CEACAM20: variants seen among roughly 807,000 people sequenced by gnomAD.
The protein encoded by CEACAM20 is CEA cell adhesion molecule 20.
Under a neutral mutation model 61.2 loss-of-function variants are expected in CEACAM20, and 50 were observed. The observed-to-expected ratio is 0.82, with a 90% CI of 0.65 to 1.03. The LOEUF (loss-of-function observed/expected upper bound fraction) is 1.03. Ranked by LOEUF, CEACAM20 falls within the 50% of genes least tolerant of loss-of-function variation. The probability of loss-of-function intolerance (pLI) is 0.00; values close to 1 mark genes in which losing one functional copy is unlikely to be tolerated. For missense variants in CEACAM20, 683 were observed against 736.4 expected, an observed-to-expected ratio of 0.93 and a Z score of 0.84; for synonymous variants, 282 against 287.7, an observed-to-expected ratio of 0.98 and a Z score of 0.20.
Position 44,522,687 on chromosome 19 carries a change from G to C in CEACAM20, c.698C>G (p.Ser233Cys), listed in dbSNP as rs765281538. The change falls in exon 4 of 12, where the codon TCC becomes TGC. Residue 233 changes from serine to cysteine, a missense_variant. Physicochemically the swap from Ser to Cys is moderately radical, Grantham distance 112. Transcript: ENST00000614924. ...EHEGLYRCLV[S>C]NSATHLSSLG... ...GCTGGACAGGTGGGTGGCACTGTTG[G>C]ACACCAAGCACCTGTACAGGCCCTC... The C allele has an allele frequency of 5.6e-6, 9 of 1,613,784 alleles. No homozygotes were observed. Among genetic ancestry groups the C allele is most frequent in the Non-Finnish European group, 7.6e-6 (9 of 1,179,798 alleles).
At chr19:44,521,108 ATTTG>A (rs1971353135) in intron 4 of CEACAM20, among the ~76,000 whole-genome samples, 1 of 151,680 alleles carries the variant, frequency 6.6e-6, no homozygotes. Context: ...ATGTGTATAT[ATTTG>A]TTGTATATGA....
chr19:44,516,986 A>T lies in CEACAM20; in HGVS notation c.1269T>A (p.Thr423=). The change falls in exon 6 of 12, where the codon ACT becomes ACA. Residue 423 remains threonine, a synonymous_variant. Transcript: ENST00000614924. ...GGACTGAAGTGGAGCGGGCCAGGCC[A>T]GTGAGAGAGTTGGAGGCTGTGCAGT... ...IYNCTASNSL[T]GLARSTSVLV... is the part of the protein sequence containing the mutation. 3.1e-6 allele frequency: 5 copies of T among 1,599,078 alleles called. No individual in the cohort carries two copies. The highest frequency in any genetic ancestry group is 4.3e-6 in the Non-Finnish European group (5 of 1,173,248).
At chr19:44,512,664 C>T (rs965362385) in intron 8 of CEACAM20, among the ~76,000 whole-genome samples, 8 of 152,168 alleles carry the variant, frequency 5.3e-5, no homozygotes, top group African/African-American at 1.2e-4. Context: ...CTGCTTTTGC[C>T]GGGACTGTTG....
intron 1 of CEACAM20, among the ~76,000 whole-genome samples, 194 bp from the exon 2 acceptor site, chr19:44,525,438 ATG>A (rs923257177): frequency 2.6e-5 from 4 of 151,364 alleles, no homozygotes; most frequent in Non-Finnish European, 5.9e-5. Flanking sequence ...TTGTTTGTGT[ATG>A]TGTTTTTGTT....
intron 11 of CEACAM20, among the ~76,000 whole-genome samples, chr19:44,509,595 C>T (rs979942281): frequency 5.9e-5 from 9 of 151,334 alleles, no homozygotes; most frequent in African/African-American, 2.2e-4. Context: ...CCATAAAGGG[C>T]ATGAAGGGAG....
intron 1 of CEACAM20, among the ~76,000 whole-genome samples, chr19:44,528,958 T>TTC (rs1453624616): frequency 8.4e-5 from 11 of 130,504 alleles, no homozygotes; most frequent in South Asian, 4.9e-4. Context: ...CTTTCTTTCT[T>TTC]TTTTTTTTTT....
chr19:44,512,664 C>A (rs965362385), intron 8 of CEACAM20, among the ~76,000 whole-genome samples: 1 of 152,168 alleles, frequency 6.6e-6, no homozygotes. Context: ...CTGCTTTTGC[C>A]GGGACTGTTG....
At chr19:44,510,611 A>G (rs1446502890) in intron 11 of CEACAM20, among the ~76,000 whole-genome samples, 3,522 of 71,932 alleles carry the variant, frequency 0.049, 178 homozygotes, top group East Asian at 0.097. Context: ...AAAGAAAGAA[A>G]AAGGAAGGAA....
At chr19:44,518,954 A>G (rs924164908) in intron 5 of CEACAM20, among the ~76,000 whole-genome samples, 3 of 150,596 alleles carry the variant, frequency 2.0e-5, no homozygotes, top group Admixed American at 6.7e-5. Context: ...ATTCTTACAG[A>G]CCCCCTCCAG....
Position 44,514,839 on chromosome 19 carries a change from A to T in CEACAM20, c.1310-1550T>A, listed in dbSNP as rs536475417. ...TTTTTAAAATTTTTTTTAAATTTTT[A>T]AATTTTAAAATTTAAGGCCAGGCTG... On this transcript the variant is annotated intron_variant, in intron 6 of 11. Coordinates refer to ENST00000614924, the MANE Select transcript of CEACAM20 (RefSeq NM_001102597.3). 7.3e-5 allele frequency among the ~76,000 whole-genome samples: 11 copies of T among 151,680 alleles called. No individual in the cohort carries two copies. In the East Asian group the frequency reaches 2.0e-3, roughly 27 times the overall value.
At position 44,516,947 on chromosome 19, in the gene CEACAM20, T is replaced by C; in HGVS notation, c.1308A>G (p.Val436=). The change falls in exon 6 of 12, where the codon GTA becomes GTG. Residue 436 remains valine (V), a splice_region_variant and synonymous_variant. Coordinates refer to ENST00000614924, the MANE Select transcript of CEACAM20 (RefSeq NM_001102597.3). The part of the protein sequence containing the change: ...ARSTSVLVKV[V]GPQSSSLSSG... The stretch of plus-strand genomic sequence containing the variant: ...AGAAGGCGACCCTGAGAGACTCACC[T>C]ACCACCTTGACCAGGACTGAAGTGG... 1 of 1,595,190 alleles carries C rather than the reference T, an allele frequency of 6.3e-7. No individual in the cohort carries two copies. Among genetic ancestry groups the C allele is most frequent in the African/African-American group, 1.3e-5 (1 of 74,710 alleles).
At position 44,512,885 on chromosome 19, in the gene CEACAM20, G is replaced by A. The variant is rs1183432603; in HGVS notation, c.1496C>T (p.Pro499Leu). 4.3e-6 allele frequency: 7 copies of A among 1,613,502 alleles called. No homozygotes were observed. Among genetic ancestry groups the A allele is most frequent in the Non-Finnish European group, 5.1e-6 (6 of 1,179,740 alleles). ...TCACTTACCGGAACTGGGCTCTGTG[G>A]GGTGCTCCTCCTTCGGGATGGGTTG... ...TSQPIPKEEH[P>L]TEPSSESLSP... The change falls in exon 8 of 12, where the codon CCC becomes CTC. Residue 499 changes from proline (P) to leucine (L), a missense_variant. Transcript: ENST00000614924.
chr19:44,526,539 C>G (rs191320839), intron 1 of CEACAM20, among the ~76,000 whole-genome samples: 55 of 150,472 alleles, frequency 3.7e-4, no homozygotes, highest in Non-Finnish European at 6.7e-4. Flanking sequence ...AAATGAGTTC[C>G]CAGTTTTCCA....
intron 1 of CEACAM20, among the ~76,000 whole-genome samples, chr19:44,527,487 C>A (rs186514804): frequency 2.7e-3 from 410 of 152,296 alleles, no homozygotes; most frequent in Non-Finnish European, 3.8e-3. Context: ...TCCAGCCTCA[C>A]TTAACTGTCA....
chr19:44,519,699 T>C (rs1376279870), intron 5 of CEACAM20, among the ~76,000 whole-genome samples: 1 of 152,226 alleles, frequency 6.6e-6, no homozygotes, highest in East Asian at 1.9e-4. Flanking sequence ...ACAGTTGCCA[T>C]TCTGGTCCAG....
chr19:44,512,806 C>A (rs192193273), intron 8 of CEACAM20, 62 bp downstream of exon 8: 65 of 1,402,318 alleles, frequency 4.6e-5, no homozygotes, highest in Middle Eastern at 1.9e-4. Flanking sequence ...GAGCCCCCAG[C>A]ACCAGCCTCT....
intron 4 of CEACAM20, among the ~76,000 whole-genome samples, chr19:44,522,253 A>G (rs543787280): frequency 2.0e-5 from 3 of 151,680 alleles, no homozygotes; most frequent in Non-Finnish European, 4.4e-5. Flanking sequence ...ACAGGCGCCC[A>G]CCACCACACC....
rs748856758 is a variant in CEACAM20 at position 44,529,543 on chromosome 19, G to C, written c.-34C>G. ...GCACCTGACTTCAGTGTGCCAGGCC[G>C]TCTGTCGCCCCGGCTTGCACACACA... On this transcript the variant is annotated 5_prime_UTR_variant, in exon 1 of 12. Coordinates refer to ENST00000614924, the MANE Select transcript of CEACAM20 (RefSeq NM_001102597.3). 6 of 1,608,450 alleles carry C rather than the reference G, an allele frequency of 3.7e-6. No homozygotes were observed. Among genetic ancestry groups the C allele is most frequent in the Non-Finnish European group, 5.1e-6 (6 of 1,175,258 alleles).
At position 44,522,803 on chromosome 19, in the gene CEACAM20, G is replaced by A. The variant is rs1412376801; in HGVS notation, c.582C>T (p.His194=). 6.2e-7 allele frequency: 1 copy of A among 1,613,612 alleles called. No homozygotes were observed. The highest frequency in any genetic ancestry group is 2.2e-5 in the East Asian group (1 of 44,870). Residue 194 remains histidine (H), a synonymous_variant, in exon 4 of 12, where the codon CAC becomes CAT. Transcript: ENST00000614924. ...SMTFLAETKS[H]PPCAYTWFLL... ...GAAACCAAGTATAGGCACAGGGTGG[G>A]TGAGACTTTGTTTCCGCTAAGAAGG...
Sources: gnomAD v4.1 joint callset for allele counts (sites outside exome capture counted in the v4.1 genomes callset) on GRCh38, gnomAD v4.1.1 for gene constraint, MANE v1.5 for transcripts, NCBI Gene and HGNC (gene_info 2026-07-23, HGNC 2026-07-21) for gene names.